CRTC1: variants seen among roughly 807,000 people sequenced by gnomAD.
CRTC1 encodes CREB regulated transcription coactivator 1, also known as CREB-regulated transcription coactivator 1.
CRTC1 carries 18 observed loss-of-function variants against 66.1 expected under a neutral mutation model. That is an observed-to-expected ratio of 0.27 (90% CI 0.19 to 0.40). The LOEUF is 0.40. Ranked by LOEUF, CRTC1 falls within the 10% of genes least tolerant of loss-of-function variation. CRTC1 has a pLI of 1.00. For missense variants in CRTC1, 669 were observed against 887.9 expected, an observed-to-expected ratio of 0.75 and a Z score of 3.13; for synonymous variants, 416 against 398.8, an observed-to-expected ratio of 1.04 and a Z score of -0.51.
chr19:18,700,210 T>C (rs989229021), intron 1 of CRTC1, among the ~76,000 whole-genome samples: 2 of 152,210 alleles, frequency 1.3e-5, no homozygotes, highest in African/African-American at 4.8e-5. Flanking sequence ...CCCAGGAGTT[T>C]CACTCCGTGG....
At chr19:18,751,281 T>C (rs566458969) in intron 5 of CRTC1, among the ~76,000 whole-genome samples, 1 of 152,008 alleles carries the variant, frequency 6.6e-6, no homozygotes, top group South Asian at 2.1e-4. Context: ...CCCAGCACTT[T>C]GGGAGGCCGA....
chr19:18,701,696 C>T (rs1339830982), intron 1 of CRTC1, among the ~76,000 whole-genome samples: 2 of 152,210 alleles, frequency 1.3e-5, no homozygotes, highest in Non-Finnish European at 2.9e-5. Context: ...ACGTCCACCT[C>T]CTGGGTTCAA....
intron 1 of CRTC1, among the ~76,000 whole-genome samples, chr19:18,720,510 C>T (rs1049892338): frequency 1.3e-4 from 20 of 149,520 alleles, no homozygotes; most frequent in Admixed American, 2.7e-4. Context: ...CCACCACGCC[C>T]GGCTAATTTT....
At position 18,717,779 on chromosome 19, in the gene CRTC1, G is replaced by T. The variant is rs185312716; in HGVS notation, c.127-25131G>T. 7.3e-4 allele frequency among the ~76,000 whole-genome samples: 111 copies of T among 152,184 alleles called. 1 individual carries two copies. Among genetic ancestry groups the T allele is most frequent in the African/African-American group, 2.6e-3 (108 of 41,514 alleles). On this transcript the variant is annotated intron_variant, in intron 1 of 13. Transcript: ENST00000321949. ...GACATGGGAGGGCCTCTCGCAGGAC[G>T]GTTTCTCATGCCAGCCCTGGTCAAG... is the stretch of plus-strand genomic sequence containing the variant.
At chr19:18,757,741 G>T (rs933408481) in intron 6 of CRTC1, among the ~76,000 whole-genome samples, 1 of 152,216 alleles carries the variant, frequency 6.6e-6, no homozygotes, top group African/African-American at 2.4e-5. Context: ...ATTAGGCTGG[G>T]TGCAGTGGCT....
intron 4 of CRTC1, 87 bp from the exon 5 acceptor site, chr19:18,749,694 C>A: frequency 9.3e-7 from 1 of 1,076,058 alleles, no homozygotes. Context: ...GCCACCCTGT[C>A]CATCCAGCGT....
At position 18,778,721 on chromosome 19, in the gene CRTC1, G is replaced by A; in HGVS notation, c.*1339G>A. 4.3e-6 allele frequency: 1 copy of A among 231,144 alleles called. No homozygotes were observed. The highest frequency in any genetic ancestry group is 1.8e-4 in the South Asian group (1 of 5,512). 14.3% of individuals were successfully genotyped at this position (231,144 alleles called of 1,614,324 possible). A position where few individuals can be genotyped will look rare whatever the true frequency, so the allele number is the denominator to read the frequency against. Reference sequence around the variant, plus strand: ...AGATGCCATGACCAGTGGCAGCTGAGACCTCTCTGCCCCAAGAGTGTGGGG... The same window carrying A: ...AGATGCCATGACCAGTGGCAGCTGAAACCTCTCTGCCCCAAGAGTGTGGGG... On this transcript the variant is annotated 3_prime_UTR_variant, in exon 14 of 14. Transcript: ENST00000321949.
intron 1 of CRTC1, among the ~76,000 whole-genome samples, chr19:18,716,969 A>G (rs1278453634): frequency 6.8e-6 from 1 of 146,298 alleles, no homozygotes. Flanking sequence ...GCTGGCGTGC[A>G]GGCAGGACAG....
chr19:18,704,921 C>G (rs975383150), intron 1 of CRTC1, among the ~76,000 whole-genome samples: 9 of 106,856 alleles, frequency 8.4e-5, no homozygotes, highest in Non-Finnish European at 1.2e-4. Flanking sequence ...CAATCCCCAA[C>G]CCCCACCCTC....
intron 1 of CRTC1, among the ~76,000 whole-genome samples, chr19:18,711,318 TGGCGGCCCC>T (rs1208414606): frequency 6.6e-6 from 1 of 151,834 alleles, no homozygotes; most frequent in African/African-American, 2.4e-5. Flanking sequence ...GCGTTGGCCT[TGGCGGCCCC>T]GGGGCCGCTT....
In CRTC1 at chr19:18,762,412, C is replaced by T. The variant is rs192928888; in HGVS notation, c.886+2184C>T. On this transcript the variant is annotated intron_variant, in intron 8 of 13. Transcript: ENST00000321949. ...TTTCTGGACGCCTTTTAAATCAAGC[C>T]GAGCTGCCGGCCCCTGGCACACACG... Among the ~76,000 whole-genome samples the T allele has an allele frequency of 7.2e-5, 11 of 152,356 alleles. No homozygotes were observed. In the East Asian group the frequency reaches 1.5e-3, roughly 21 times the overall value.
At chr19:18,775,119 C>T (rs2054956409) in intron 12 of CRTC1, 133 bp downstream of exon 12, 4 of 858,610 alleles carry the variant, frequency 4.7e-6, no homozygotes, top group Non-Finnish European at 7.3e-6. Flanking sequence ...TCAGCTTTGC[C>T]CCTCGGCCCC....
Position 18,780,565 on chromosome 19 carries a change from C to A in CRTC1, c.*3183C>A, listed in dbSNP as rs112163915. On this transcript the variant is annotated 3_prime_UTR_variant, in exon 14 of 14. Transcript: ENST00000321949. ...GAGGACCCCTAGCCAGGAGGGCCCCCCATGTCCATCCATCCCTCCTGCTGG... is the reference window on the plus strand; with the variant it reads ...GAGGACCCCTAGCCAGGAGGGCCCCACATGTCCATCCATCCCTCCTGCTGG... 134 of 230,944 alleles carry A rather than the reference C, an allele frequency of 5.8e-4. No homozygotes were observed. Among genetic ancestry groups the A allele is most frequent in the African/African-American group, 2.1e-3 (97 of 45,340 alleles). 14.3% of individuals were successfully genotyped at this position (230,944 alleles called of 1,614,324 possible).
At chr19:18,718,830 A>G (rs2053562671) in intron 1 of CRTC1, among the ~76,000 whole-genome samples, 1 of 152,224 alleles carries the variant, frequency 6.6e-6, no homozygotes, top group Non-Finnish European at 1.5e-5. Flanking sequence ...GCTTGGTCAT[A>G]ACAGCAGCTC....
chr19:18,719,373 G>A (rs1600833582), intron 1 of CRTC1, among the ~76,000 whole-genome samples: 2 of 152,332 alleles, frequency 1.3e-5, no homozygotes, highest in East Asian at 3.9e-4. Context: ...GGCCTGGCTA[G>A]GAGTTCAGGG....
chr19:18,718,960 A>G (rs11668587), intron 1 of CRTC1, among the ~76,000 whole-genome samples: 56,055 of 152,068 alleles, frequency 0.37, 10,760 homozygotes, highest in East Asian at 0.64. Flanking sequence ...GAATAAAGAG[A>G]AGAAAATGAA....
rs1327842104 is a variant in CRTC1, at chr19:18,781,851, T to C, written c.*4469T>C. 5 of 230,428 alleles carry C rather than the reference T, an allele frequency of 2.2e-5. No individual in the cohort carries two copies. In the Admixed American group the frequency reaches 2.3e-4, roughly 10 times the overall value. The allele number at this position is 230,428 out of a possible 1,614,324, so 14.3% of individuals were successfully genotyped here. The stretch of plus-strand genomic sequence containing the variant: ...GGAGCCAGGGACAGGTGGCATGTGT[T>C]GGGGTCGGGGGATGGCCCCCATCTC... On this transcript the variant is annotated 3_prime_UTR_variant, in exon 14 of 14. Transcript: ENST00000321949.
Position 18,778,030 on chromosome 19 carries a change from C to T in CRTC1, c.*648C>T, listed in dbSNP as rs941309488. On this transcript the variant is annotated 3_prime_UTR_variant, in exon 14 of 14. Transcript: ENST00000321949. ...CGCAAAGTGGACAGAGCATGCAGGG[C>T]GGCGGACCCCCCCACGACCCTCCTC... is the stretch of plus-strand genomic sequence containing the variant. 2.1e-5 allele frequency: 5 copies of T among 234,238 alleles called. No homozygotes were observed. The highest frequency in any genetic ancestry group is 1.8e-4 in the South Asian group (1 of 5,616). 14.5% of individuals were successfully genotyped at this position (234,238 alleles called of 1,614,324 possible). A position where few individuals can be genotyped will look rare whatever the true frequency, so the allele number is the denominator to read the frequency against.
In CRTC1 at chr19:18,777,551, A is replaced by T. The variant is rs982287846; in HGVS notation, c.*169A>T. On this transcript the variant is annotated 3_prime_UTR_variant, in exon 14 of 14. Coordinates refer to ENST00000321949, the MANE Select transcript of CRTC1 (RefSeq NM_015321.3). This position sits in a 1 kb window ranked among gnomAD's most constrained non-coding sequence, Gnocchi z 5.5. Reference sequence around the variant, plus strand: ...CGGTTGTCCACCTCCCGCGAAGCCCAATCGCGAGGCCGCGAGCCGGGCCGT... The same window carrying T: ...CGGTTGTCCACCTCCCGCGAAGCCCTATCGCGAGGCCGCGAGCCGGGCCGT... The T allele has an allele frequency of 5.9e-5, 37 of 629,490 alleles. No individual in the cohort carries two copies. Among genetic ancestry groups the T allele is most frequent in the Non-Finnish European group, 8.6e-5 (32 of 372,790 alleles). 39.0% of individuals were successfully genotyped at this position (629,490 alleles called of 1,614,324 possible).
Sources: allele counts gnomAD v4.1 joint callset (sites outside exome capture counted in the v4.1 genomes callset), GRCh38; gene constraint gnomAD v4.1.1; non-coding constraint Gnocchi (gnomAD v3.1); transcripts MANE v1.5; gene names NCBI Gene and HGNC (gene_info 2026-07-23, HGNC 2026-07-21).